Variants in NHS observed in about 807,000 individuals in gnomAD.
NHS encodes the protein actin remodeling regulator NHS.
Under a neutral mutation model 72.5 loss-of-function variants are expected in NHS, and 5 were observed. That is an observed-to-expected ratio of 0.07 (90% CI 0.04 to 0.14). NHS has a LOEUF of 0.14. Ranked by LOEUF, NHS falls within the 10% of genes least tolerant of loss-of-function variation. The pLI is 1.00. For synonymous variants in NHS, 464 were observed against 547.7 expected (o/e 0.85, Z 2.13); for missense variants, 1,072 against 1,355.7 (o/e 0.79, Z 3.29).
chrX:17,624,355 A>G (rs2065787803), intron 1 of NHS, among the ~76,000 whole-genome samples: 1 of 112,237 alleles, frequency 8.9e-6, no homozygotes, highest in South Asian at 3.7e-4. Context: ...AAAAGCATCC[A>G]AATCATACAA....
intron 1 of NHS, among the ~76,000 whole-genome samples, chrX:17,471,796 G>A (rs2146903326): frequency 8.9e-6 from 1 of 111,856 alleles, no homozygotes; most frequent in African/African-American, 3.2e-5. Context: ...TCAAACCGTA[G>A]GAAGGTGCAT....
intron 1 of NHS, among the ~76,000 whole-genome samples, chrX:17,685,553 T>C (rs755624042): frequency 8.1e-5 from 9 of 111,503 alleles, no homozygotes; most frequent in African/African-American, 1.3e-4. Flanking sequence ...ACAAGCACAG[T>C]AGAAATGTGT....
chrX:17,414,142 G>T (rs1002128311), intron 1 of NHS, among the ~76,000 whole-genome samples: 3 of 112,332 alleles, frequency 2.7e-5, no homozygotes, highest in African/African-American at 9.7e-5. Context: ...AGGAGGACTG[G>T]CCCAGACAAT....
chrX:17,379,471 G>C (rs968691102), intron 1 of NHS, among the ~76,000 whole-genome samples: 11 of 112,172 alleles, frequency 9.8e-5, no homozygotes, highest in African/African-American at 3.2e-4. Flanking sequence ...TGCTTGAAAA[G>C]CTTAAATAAC....
intron 1 of NHS, among the ~76,000 whole-genome samples, chrX:17,475,273 A>G (rs1269603767): frequency 3.6e-5 from 4 of 112,650 alleles, no homozygotes; most frequent in African/African-American, 1.3e-4. Context: ...GCCCAGATCA[A>G]TTTAGAAAGA....
chrX:17,634,190 A>T (rs966227307), intron 1 of NHS, among the ~76,000 whole-genome samples: 3 of 111,979 alleles, frequency 2.7e-5, no homozygotes, highest in Non-Finnish European at 5.6e-5. Flanking sequence ...TTCCAGCCAG[A>T]CTTTCTGTTG....
intron 3 of NHS, among the ~76,000 whole-genome samples, chrX:17,709,461 A>T (rs1383947098): frequency 8.9e-6 from 1 of 111,839 alleles, no homozygotes; most frequent in Non-Finnish European, 1.9e-5. Context: ...CTTAGTCAAG[A>T]GCAAGCCAGA....
rs1293196058 is a variant in NHS, at chrX:17,513,746, T to C, written c.565+137424T>C. On this transcript the variant is annotated intron_variant, in intron 1 of 8. Coordinates refer to ENST00000676302, the MANE Select transcript of NHS (RefSeq NM_001291867.2). Reference sequence around the variant, plus strand: ...TGACAATGTCTGGAAATGTATTTGGTTGTCACATCTGGAGGGAGGTGCTAC... The same window carrying C: ...TGACAATGTCTGGAAATGTATTTGGCTGTCACATCTGGAGGGAGGTGCTAC... 3.6e-5 allele frequency among the ~76,000 whole-genome samples: 4 copies of C among 112,083 alleles called. No homozygotes were observed. In the East Asian group the frequency reaches 1.1e-3, roughly 31 times the overall value.
chrX:17,534,805 A>G (rs1413264393), intron 1 of NHS, among the ~76,000 whole-genome samples: 1 of 112,401 alleles, frequency 8.9e-6, no homozygotes, highest in Non-Finnish European at 1.9e-5. Flanking sequence ...GCCCACCCAC[A>G]AGTTCTTGGC....
At chrX:17,395,784 A>G (rs1297359521) in intron 1 of NHS, among the ~76,000 whole-genome samples, 1 of 112,581 alleles carries the variant, frequency 8.9e-6, no homozygotes, top group African/African-American at 3.2e-5. Flanking sequence ...GCTGTATGCC[A>G]AAGATGTTAT....
rs1274073122 is a variant in NHS, at chrX:17,507,872, C to T, written c.565+131550C>T. ...TCACACTGTGGCTTTGGTGTTTCAC[C>T]TTCTTTCTCTGAAAGATGGGGGCAA... On this transcript the variant is annotated intron_variant, in intron 1 of 8. Transcript: ENST00000676302. Among the ~76,000 whole-genome samples the T allele has an allele frequency of 4.5e-5, 5 of 111,698 alleles. No individual in the cohort carries two copies. In the East Asian group the frequency reaches 1.4e-3, roughly 31 times the overall value.
In NHS at chrX:17,464,574, A is replaced by G. The variant is rs183304998; in HGVS notation, c.565+88252A>G. ...AGTGATGGAAAGGACTCCCATTTCT[A>G]AAATGCTCTGAAGATCAGATAACAG... On this transcript the variant is annotated intron_variant, in intron 1 of 8. Coordinates refer to ENST00000676302, the MANE Select transcript of NHS (RefSeq NM_001291867.2). Among the ~76,000 whole-genome samples the G allele has an allele frequency of 1.2e-4, 14 of 112,641 alleles. No homozygotes were observed. In the East Asian group the frequency reaches 3.9e-3, roughly 31 times the overall value.
chrX:17,690,733 T>C (rs924915061), intron 2 of NHS, among the ~76,000 whole-genome samples: 5 of 111,758 alleles, frequency 4.5e-5, no homozygotes, highest in South Asian at 3.8e-4. Flanking sequence ...AGTCATTTCA[T>C]AGAGCTTCAG....
chrX:17,452,918 C>A (rs886983022), intron 1 of NHS, among the ~76,000 whole-genome samples: 4 of 111,879 alleles, frequency 3.6e-5, no homozygotes, highest in African/African-American at 1.3e-4. Context: ...CTGGAAAGTT[C>A]TTTTAATACC....
rs755036195 is a variant in NHS at position 17,596,196 on chromosome X, A to C, written c.566-91546A>C. 1.8e-4 allele frequency among the ~76,000 whole-genome samples: 20 copies of C among 112,473 alleles called. No homozygotes were observed. In the South Asian group the frequency reaches 7.4e-3, roughly 41 times the overall value. On this transcript the variant is annotated intron_variant, in intron 1 of 8. Transcript: ENST00000676302. ...ACAAAACTGCCTGTATCTTGTCACT[A>C]TGGATGCAAGTCAAGACAGAGGCAA...
At chrX:17,731,581 A>G (rs1160114628) in intron 8 of NHS, among the ~76,000 whole-genome samples, 1 of 110,853 alleles carries the variant, frequency 9.0e-6, no homozygotes, top group Non-Finnish European at 1.9e-5. Context: ...TATCCTCTAG[A>G]ACCTCTAGCC....
chrX:17,438,318 C>T (rs1040343093), intron 1 of NHS, among the ~76,000 whole-genome samples: 4 of 112,386 alleles, frequency 3.6e-5, no homozygotes, highest in Admixed American at 9.4e-5. Flanking sequence ...CATGGCCCCA[C>T]GGCCAGTTAG....
chrX:17,513,055 G>A (rs1338363962), intron 1 of NHS, among the ~76,000 whole-genome samples: 4 of 112,126 alleles, frequency 3.6e-5, no homozygotes. Context: ...TACAGGTCTT[G>A]AGAATCTTGG....
intron 1 of NHS, among the ~76,000 whole-genome samples, chrX:17,602,234 A>C (rs2065653777): frequency 8.9e-6 from 1 of 112,126 alleles, no homozygotes; most frequent in African/African-American, 3.2e-5. Flanking sequence ...AGAGAACCAA[A>C]CCTATGTGGC....
Sources: gnomAD v4.1 joint callset for allele counts (sites outside exome capture counted in the v4.1 genomes callset) on GRCh38, gnomAD v4.1.1 for gene constraint, MANE v1.5 for transcripts, NCBI Gene and HGNC (gene_info 2026-07-23, HGNC 2026-07-21) for gene names.